MTA1: variants seen among roughly 807,000 people sequenced by gnomAD.
MTA1 encodes the protein metastasis associated 1, also known as metastasis-associated protein MTA1.
A neutral mutation model predicts 97.0 loss-of-function variants in MTA1; 15 were observed. That is an observed-to-expected ratio of 0.15 (90% CI 0.10 to 0.24). The LOEUF is 0.24. MTA1 is among the 10% of genes least tolerant of loss of function. The pLI is 1.00. For synonymous variants in MTA1, 435 were observed against 417.5 expected (o/e 1.04, Z -0.51); for missense variants, 709 against 1,015.1 (o/e 0.70, Z 4.10).
intron 1 of MTA1, among the ~76,000 whole-genome samples, chr14:105,425,378 C>T (rs1378104418): frequency 2.6e-5 from 4 of 152,122 alleles, no homozygotes; most frequent in Non-Finnish European, 4.4e-5. Flanking sequence ...CAGGCTCAGG[C>T]GATCCTCCCA....
At chr14:105,447,437 C>G (rs587769970) in intron 3 of MTA1, among the ~76,000 whole-genome samples, 253 of 152,332 alleles carry the variant, frequency 1.7e-3, no homozygotes, top group African/African-American at 5.8e-3. Flanking sequence ...TACTGTGGCC[C>G]CCTTGGCTGA....
In MTA1 at chr14:105,420,229, CA is replaced by C. The variant is rs2081781455; in HGVS notation, c.28+170del. Among the ~76,000 whole-genome samples, 1 of 148,316 alleles carries C rather than the reference CA, an allele frequency of 6.7e-6. No homozygotes were observed. Among genetic ancestry groups the C allele is most frequent in the Admixed American group, 6.7e-5 (1 of 14,948 alleles). On this transcript the variant is annotated intron_variant, in intron 1 of 20. Transcript: ENST00000331320. This position sits in a 1 kb window ranked among gnomAD's most constrained non-coding sequence, Gnocchi z 5.3. Reference sequence around the variant, plus strand: ...GCCCCCCGCCGTGCTCACCCCAACCCAAAATGGCCCCGCGGGTCGGCCCCAT... The same window carrying C: ...GCCCCCCGCCGTGCTCACCCCAACCCAAATGGCCCCGCGGGTCGGCCCCAT...
At position 105,422,754 on chromosome 14, in the gene MTA1, T is replaced by C. The variant is rs587719328; in HGVS notation, c.28+2691T>C. 6.6e-6 allele frequency among the ~76,000 whole-genome samples: 1 copy of C among 152,040 alleles called. No homozygotes were observed. ...CAGGTTGGGCTAGGCAGGGTGAAGG[T>C]GTGGTGGCAGTATTTTTGTGCCAGC... On this transcript the variant is annotated intron_variant, in intron 1 of 20. Coordinates refer to ENST00000331320, the MANE Select transcript of MTA1 (RefSeq NM_004689.4). This position sits in a 1 kb window ranked among gnomAD's most constrained non-coding sequence, Gnocchi z 4.3.
chr14:105,466,822 C>A, intron 18 of MTA1, 80 bp downstream of exon 18: 1 of 1,468,594 alleles, frequency 6.8e-7, no homozygotes, highest in Non-Finnish European at 9.2e-7. Flanking sequence ...GTCCCCGCGG[C>A]GGGCGGCCCA....
chr14:105,428,665 C>G (rs781925602), intron 1 of MTA1, among the ~76,000 whole-genome samples: 1 of 152,052 alleles, frequency 6.6e-6, no homozygotes, highest in Non-Finnish European at 1.5e-5. Flanking sequence ...CTTTCCCTTA[C>G]AGAGTTTAGA....
chr14:105,436,980 TCTG>T (rs1159111794), intron 1 of MTA1, among the ~76,000 whole-genome samples: 1 of 152,206 alleles, frequency 6.6e-6, no homozygotes, highest in Non-Finnish European at 1.5e-5. Flanking sequence ...CCCTGTCACT[TCTG>T]CAGGCTTTTC....
At chr14:105,458,521 C>T in intron 8 of MTA1, 149 bp downstream of exon 8, 1 of 707,608 alleles carries the variant, frequency 1.4e-6, no homozygotes, top group Non-Finnish European at 2.4e-6. Context: ...CCCCCGGTAG[C>T]AGTTCCCAGA....
At chr14:105,450,014 G>T (rs368436538) in intron 4 of MTA1, 44 bp from the exon 5 acceptor site, 3 of 1,612,240 alleles carry the variant, frequency 1.9e-6, no homozygotes, top group African/African-American at 2.7e-5. Flanking sequence ...TGGTCTGGCA[G>T]TGTGCGTCTG....
intron 1 of MTA1, among the ~76,000 whole-genome samples, chr14:105,426,769 G>C (rs1252017706): frequency 1.3e-5 from 2 of 152,218 alleles, no homozygotes; most frequent in African/African-American, 4.8e-5. Flanking sequence ...CCCAAGGATG[G>C]GCCGGGCGCG....
chr14:105,437,491 G>C (rs587601357), intron 1 of MTA1, among the ~76,000 whole-genome samples: 1 of 151,696 alleles, frequency 6.6e-6, no homozygotes, highest in Admixed American at 6.6e-5. Context: ...TCACGGGCAC[G>C]AGCCTGCAGG....
chr14:105,443,290 C>T (rs2082605854), intron 2 of MTA1, among the ~76,000 whole-genome samples: 1 of 152,212 alleles, frequency 6.6e-6, no homozygotes, highest in Admixed American at 6.5e-5. Flanking sequence ...ACGTCCCAAA[C>T]AGAGGAATTC....
chr14:105,470,233 G>A lies in MTA1; in HGVS notation c.*18G>A, dbSNP rs782706973. 7 of 1,510,040 alleles carry A rather than the reference G, an allele frequency of 4.6e-6. No individual in the cohort carries two copies. Among genetic ancestry groups the A allele is most frequent in the African/African-American group, 1.4e-5 (1 of 71,016 alleles). The allele number at this position is 1,510,040 out of a possible 1,614,324, so 93.5% of individuals were successfully genotyped here. On this transcript the variant is annotated 3_prime_UTR_variant, in exon 21 of 21. Coordinates refer to ENST00000331320, the MANE Select transcript of MTA1 (RefSeq NM_004689.4). ...AGGACTAGGGGCCGCCCCCACCTGC[G>A]GCCGCCCCCCGCCCCTCGCCCGCCC... is the stretch of plus-strand genomic sequence containing the variant.
rs1436886470 is a variant in MTA1 at position 105,451,775 on chromosome 14, C to CTT, written c.432+1457_432+1458dup. Among the ~76,000 whole-genome samples the CTT allele has an allele frequency of 9.6e-4, 113 of 118,250 alleles. 21 individuals carry two copies. The highest frequency in any genetic ancestry group is 1.4e-3 in the Non-Finnish European group (85 of 58,926). 77.6% of individuals were successfully genotyped at this position (118,250 alleles called of 152,430 possible). A position where few individuals can be genotyped will look rare whatever the true frequency, so the allele number is the denominator to read the frequency against. ...CAGCCCTTCCCCCCTTTTTCTTTTT[C>CTT]TTTTTTTGTTTTTTTTTTTTTTTTT... On this transcript the variant is annotated intron_variant, in intron 6 of 20. Transcript: ENST00000331320.
intron 8 of MTA1, 100 bp downstream of exon 8, chr14:105,458,472 C>G: frequency 9.4e-7 from 1 of 1,058,786 alleles, no homozygotes; most frequent in Non-Finnish European, 1.4e-6. Context: ...TCTTGGATCC[C>G]ATATCCCAAC....
Position 105,450,319 on chromosome 14 carries a change from C to A in MTA1, c.427C>A (p.Arg143=). 1 of 1,602,656 alleles carries A rather than the reference C, an allele frequency of 6.2e-7. No homozygotes were observed. Among genetic ancestry groups the A allele is most frequent in the Non-Finnish European group, 8.5e-7 (1 of 1,171,702 alleles). The change falls in exon 6 of 21, where the codon CGG becomes AGG. Residue 143 remains arginine, a synonymous_variant. Transcript: ENST00000331320. ...CGAGTCGCTCAAGTCCTACCTGGAG[C>A]GGGAGGTGAGGCCCAGCCCGGCCTG... ...ETESLKSYLE[R]EDFFFYSLVY...
At chr14:105,464,325 TG>T in intron 13 of MTA1, 90 bp from the exon 14 acceptor site, 1 of 1,008,788 alleles carries the variant, frequency 9.9e-7, no homozygotes, top group Non-Finnish European at 1.3e-6. Context: ...GCCTGGCGGG[TG>T]GGGGCGGCCG....
At chr14:105,448,355 C>T (rs2082790264) in intron 3 of MTA1, among the ~76,000 whole-genome samples, 1 of 152,174 alleles carries the variant, frequency 6.6e-6, no homozygotes, top group Non-Finnish European at 1.5e-5. Context: ...ACAGGCTGCA[C>T]CACAGAGCCC....
At chr14:105,449,516 T>G in intron 4 of MTA1, 107 bp downstream of exon 4, 1 of 1,247,628 alleles carries the variant, frequency 8.0e-7, no homozygotes, top group Non-Finnish European at 1.1e-6. Context: ...TGCATGCCTG[T>G]GCCCTGCGCC....
At chr14:105,441,638 C>CA (rs1241528462) in intron 2 of MTA1, among the ~76,000 whole-genome samples, 4 of 152,048 alleles carry the variant, frequency 2.6e-5, no homozygotes, top group East Asian at 3.9e-4. Context: ...ACTAAAAATA[C>CA]AAAAAATTAG....
Sources: allele counts gnomAD v4.1 joint callset (sites outside exome capture counted in the v4.1 genomes callset), GRCh38; gene constraint gnomAD v4.1.1; non-coding constraint Gnocchi (gnomAD v3.1); transcripts MANE v1.5; gene names NCBI Gene and HGNC (gene_info 2026-07-23, HGNC 2026-07-21).